VPS37A: variants seen among roughly 807,000 people sequenced by gnomAD.
The protein encoded by VPS37A is VPS37A subunit of ESCRT-I.
In VPS37A, 30 loss-of-function variants were observed where a neutral mutation model predicts 49.8. That is an observed-to-expected ratio of 0.60 (90% CI 0.45 to 0.82). The LOEUF is 0.82. Ranked by LOEUF, VPS37A falls within the 40% of genes least tolerant of loss-of-function variation. VPS37A has a pLI of 0.00. For missense variants in VPS37A, 593 were observed against 464.4 expected, an observed-to-expected ratio of 1.28 and a Z score of -2.55; for synonymous variants, 195 against 160.6, an observed-to-expected ratio of 1.21 and a Z score of -1.62.
Position 17,295,988 on chromosome 8 carries a change from C to T in VPS37A, c.*1002C>T, listed in dbSNP as rs1033328865. On this transcript the variant is annotated 3_prime_UTR_variant, in exon 12 of 12. Coordinates refer to ENST00000324849, the MANE Select transcript of VPS37A (RefSeq NM_152415.3). ...AAAATTCATGTATTTCTTGAGAAGCCCTAAAAGCTCATAAAGGAAAATGCC... is the reference window on the plus strand; with the variant it reads ...AAAATTCATGTATTTCTTGAGAAGCTCTAAAAGCTCATAAAGGAAAATGCC... 3.3e-5 allele frequency: 5 copies of T among 151,996 alleles called. No homozygotes were observed. Among genetic ancestry groups the T allele is most frequent in the African/African-American group, 1.2e-4 (5 of 41,380 alleles). 9.4% of individuals were successfully genotyped at this position (151,996 alleles called of 1,614,324 possible). A position where few individuals can be genotyped will look rare whatever the true frequency, so the allele number is the denominator to read the frequency against.
chr8:17,330,106 T>C, the VPS37A span, among the ~76,000 whole-genome samples: 4 of 152,106 alleles, frequency 2.6e-5, no homozygotes, highest in South Asian at 8.3e-4. Context: ...AACCAGAAAG[T>C]CCAGGAAACA....
At chr8:17,301,767 T>C, downstream of VPS37A, 1 of 225,518 alleles carries the variant, frequency 4.4e-6, no homozygotes, top group East Asian at 9.8e-5. Flanking sequence ...TATAGATTAA[T>C]ATCATAGTTA....
At chr8:17,250,115 G>T (rs558965575) in intron 1 of VPS37A, among the ~76,000 whole-genome samples, 1 of 152,164 alleles carries the variant, frequency 6.6e-6, no homozygotes, top group Non-Finnish European at 1.5e-5. Flanking sequence ...AGGGAAGAAG[G>T]GTTGTAGTTT....
chr8:17,274,705 T>A, intron 4 of VPS37A, 28 bp from the exon 5 acceptor site: 1 of 1,558,978 alleles, frequency 6.4e-7, no homozygotes. Context: ...TAAAATCTAA[T>A]GTAATGATCT....
At chr8:17,267,167 C>CT (rs1813545225) in intron 2 of VPS37A, among the ~76,000 whole-genome samples, 1 of 152,104 alleles carries the variant, frequency 6.6e-6, no homozygotes, top group Non-Finnish European at 1.5e-5. Flanking sequence ...CATTTAGTGC[C>CT]TTTTTTACCA....
chr8:17,250,280 G>A (rs1811851210), intron 1 of VPS37A, among the ~76,000 whole-genome samples: 1 of 151,936 alleles, frequency 6.6e-6, no homozygotes, highest in Non-Finnish European at 1.5e-5. Flanking sequence ...AATATTTTGG[G>A]GTATTGTTTT....
intron 1 of VPS37A, among the ~76,000 whole-genome samples, chr8:17,259,077 G>A (rs1812743765): frequency 6.6e-6 from 1 of 151,670 alleles, no homozygotes; most frequent in South Asian, 2.1e-4. Flanking sequence ...TGTATTTTTG[G>A]TCTCAACTTC....
At chr8:17,323,347 A>C in the VPS37A span, among the ~76,000 whole-genome samples, 3 of 152,078 alleles carry the variant, frequency 2.0e-5, no homozygotes, top group Non-Finnish European at 4.4e-5. Flanking sequence ...TCCACTTTCC[A>C]TATTATTTTC....
the VPS37A span, chr8:17,311,491 C>G: frequency 2.5e-6 from 4 of 1,613,870 alleles, no homozygotes; most frequent in Non-Finnish European, 3.4e-6. Context: ...CTGTGGGAAT[C>G]GCCCAGTGGC....
chr8:17,271,318 A>G (rs1299943509), intron 4 of VPS37A, among the ~76,000 whole-genome samples: 1 of 152,114 alleles, frequency 6.6e-6, no homozygotes, highest in African/African-American at 2.4e-5. Flanking sequence ...TAACATGCTT[A>G]TGATTGGCTG....
downstream of VPS37A, among the ~76,000 whole-genome samples, chr8:17,306,958 C>A (rs1308700345): frequency 6.6e-6 from 1 of 152,116 alleles, no homozygotes; most frequent in Non-Finnish European, 1.5e-5. Context: ...CTAGGCAATA[C>A]CATTCAGGAC....
rs900583930 is a variant in VPS37A, at chr8:17,266,159, T to C, written c.200+178T>C. Among the ~76,000 whole-genome samples, 8 of 152,102 alleles carry C rather than the reference T, an allele frequency of 5.3e-5. 1 individual carries two copies. Among genetic ancestry groups the C allele is most frequent in the Non-Finnish European group, 1.2e-4 (8 of 68,022 alleles). On this transcript the variant is annotated intron_variant, in intron 2 of 11. Coordinates refer to ENST00000324849, the MANE Select transcript of VPS37A (RefSeq NM_152415.3). ...GAAAGCTATCACTGTTATAGTGTTATAAGAAAGAAACTAGAAAAGAGGAAA... is the reference window on the plus strand; with the variant it reads ...GAAAGCTATCACTGTTATAGTGTTACAAGAAAGAAACTAGAAAAGAGGAAA...
chr8:17,315,924 G>C, the VPS37A span, among the ~76,000 whole-genome samples: 2 of 152,124 alleles, frequency 1.3e-5, no homozygotes, highest in Non-Finnish European at 2.9e-5. Flanking sequence ...GAGTTGAGAG[G>C]ATCACTTCAA....
intron 1 of VPS37A, 50 bp from the exon 2 acceptor site, chr8:17,265,857 A>C: frequency 6.2e-7 from 1 of 1,612,102 alleles, no homozygotes; most frequent in Non-Finnish European, 8.5e-7. Context: ...GGTTTTTAAC[A>C]ATAATGGTTT....
intron 1 of VPS37A, among the ~76,000 whole-genome samples, chr8:17,253,145 A>G (rs1812128958): frequency 1.3e-5 from 2 of 152,150 alleles, no homozygotes; most frequent in African/African-American, 4.8e-5. Context: ...TAAGGCAGTC[A>G]TTTCTCCATT....
chr8:17,321,396 A>T, the VPS37A span, among the ~76,000 whole-genome samples: 15 of 152,298 alleles, frequency 9.8e-5, no homozygotes, highest in African/African-American at 3.4e-4. Flanking sequence ...CTTGTTCAAC[A>T]TTTCTGTTTT....
chr8:17,311,725 A>G, the VPS37A span: 1 of 1,571,144 alleles, frequency 6.4e-7, no homozygotes, highest in Admixed American at 1.8e-5. Flanking sequence ...CTGTATATTT[A>G]CAGAAAGAAA....
chr8:17,282,822 T>A (rs2150407858), intron 9 of VPS37A, among the ~76,000 whole-genome samples: 1 of 152,286 alleles, frequency 6.6e-6, no homozygotes, highest in South Asian at 2.1e-4. Context: ...TTTCTGGGGA[T>A]GATGAATCTT....
At chr8:17,305,357 T>C (rs1817381785), downstream of VPS37A, among the ~76,000 whole-genome samples, 2 of 152,238 alleles carry the variant, frequency 1.3e-5, no homozygotes, top group African/African-American at 4.8e-5. Context: ...CAATACAGTT[T>C]TAATCTGAAT....
Sources: gnomAD v4.1 joint callset for allele counts (sites outside exome capture counted in the v4.1 genomes callset) on GRCh38, gnomAD v4.1.1 for gene constraint, MANE v1.5 for transcripts, NCBI Gene and HGNC (gene_info 2026-07-23, HGNC 2026-07-21) for gene names.